NECTIN3: variants seen among roughly 807,000 people sequenced by gnomAD.
The protein encoded by NECTIN3 is nectin-3.
A neutral mutation model predicts 49.4 loss-of-function variants in NECTIN3; 8 were observed. That is an observed-to-expected ratio of 0.16 (90% CI 0.10 to 0.29). The LOEUF is 0.29. NECTIN3 is among the 10% of genes least tolerant of loss of function. The probability of loss-of-function intolerance (pLI) is 1.00; values close to 1 mark genes in which losing one functional copy is unlikely to be tolerated. For missense variants in NECTIN3, 581 were observed against 654.6 expected (o/e 0.89, Z 1.23); for synonymous variants, 277 against 241.1 (o/e 1.15, Z -1.38).
At chr3:111,103,650 G>A (rs1202491299) in intron 1 of NECTIN3, among the ~76,000 whole-genome samples, 1 of 151,846 alleles carries the variant, frequency 6.6e-6, no homozygotes, top group African/African-American at 2.4e-5. Context: ...GCCTTTTCTG[G>A]TCTTATTACT....
At chr3:111,154,140 T>C (rs1013896454) in intron 7 of NECTIN3, among the ~76,000 whole-genome samples, 1 of 152,154 alleles carries the variant, frequency 6.6e-6, no homozygotes, top group African/African-American at 2.4e-5. Flanking sequence ...AAAGTCCTAG[T>C]GTCCCTTTGT....
chr3:111,129,990 C>A (rs2034324268), intron 5 of NECTIN3, among the ~76,000 whole-genome samples: 1 of 144,576 alleles, frequency 6.9e-6, no homozygotes, highest in Non-Finnish European at 1.5e-5. Flanking sequence ...GAGTCTTGCT[C>A]TGTCGCCCAG....
chr3:111,140,017 T>A (rs2034702133), downstream of NECTIN3, among the ~76,000 whole-genome samples: 2 of 151,908 alleles, frequency 1.3e-5, no homozygotes, highest in South Asian at 4.1e-4. Context: ...TTTTTTATTT[T>A]CAATTTTATA....
chr3:111,179,884 C>A (rs1041866107), intron 7 of NECTIN3, among the ~76,000 whole-genome samples: 1 of 119,058 alleles, frequency 8.4e-6, no homozygotes, highest in African/African-American at 5.3e-5. Flanking sequence ...GAGCAAGACT[C>A]TGTCTCAAAA....
chr3:111,082,575 G>C (rs1053107958), intron 1 of NECTIN3, among the ~76,000 whole-genome samples: 1 of 152,128 alleles, frequency 6.6e-6, no homozygotes, highest in Non-Finnish European at 1.5e-5. Context: ...GTGACTCTTA[G>C]TAATTTTAGT....
chr3:111,183,795 T>G (rs1403348825), intron 7 of NECTIN3, among the ~76,000 whole-genome samples: 1 of 152,168 alleles, frequency 6.6e-6, no homozygotes, highest in Non-Finnish European at 1.5e-5. Context: ...TGATTTTCTC[T>G]TTATTGTTAG....
intron 1 of NECTIN3, among the ~76,000 whole-genome samples, chr3:111,100,219 CCT>C (rs1421279626): frequency 6.6e-6 from 1 of 151,956 alleles, no homozygotes; most frequent in Non-Finnish European, 1.5e-5. Flanking sequence ...CAAATTTTTA[CCT>C]GGACCGTTAT....
intron 7 of NECTIN3, among the ~76,000 whole-genome samples, chr3:111,173,062 G>T (rs2035463249): frequency 6.6e-6 from 1 of 152,152 alleles, no homozygotes; most frequent in South Asian, 2.1e-4. Flanking sequence ...GTAAACAACT[G>T]TGCCTTTTTC....
chr3:111,104,695 T>A (rs564833164), intron 1 of NECTIN3, among the ~76,000 whole-genome samples: 2 of 152,278 alleles, frequency 1.3e-5, no homozygotes, highest in African/African-American at 4.8e-5. Context: ...TTGGTTCTTA[T>A]CAGATATAAA....
chr3:111,129,037 G>A (rs1422812326), intron 5 of NECTIN3, among the ~76,000 whole-genome samples: 1 of 152,038 alleles, frequency 6.6e-6, no homozygotes, highest in Admixed American at 6.5e-5. Context: ...TATATGTTTT[G>A]CTCATTGGCT....
Position 111,108,098 on chromosome 3 carries a change from TAGAA to T in NECTIN3, c.161-3929_161-3926del, listed in dbSNP as rs1328446356. Among the ~76,000 whole-genome samples, 4 of 152,140 alleles carry T rather than the reference TAGAA, an allele frequency of 2.6e-5. 1 individual carries two copies. In the South Asian group the frequency reaches 6.2e-4, roughly 24 times the overall value. ...AGTAAAACTCAGAATACAGAAAAATTAGAAAGTAAAAATCACTTATTAGTTCCTA... is the reference window on the plus strand; with the variant it reads ...AGTAAAACTCAGAATACAGAAAAATTAGTAAAAATCACTTATTAGTTCCTA... On this transcript the variant is annotated intron_variant, in intron 1 of 5. Transcript: ENST00000485303.
chr3:111,176,364 T>C (rs1005889893), intron 7 of NECTIN3, among the ~76,000 whole-genome samples: 43 of 152,226 alleles, frequency 2.8e-4, no homozygotes, highest in African/African-American at 9.6e-4. Context: ...CTGTGAACTT[T>C]CATTCTAATC....
intron 7 of NECTIN3, among the ~76,000 whole-genome samples, chr3:111,179,570 G>A (rs1204296670): frequency 6.6e-6 from 1 of 152,080 alleles, no homozygotes; most frequent in African/African-American, 2.4e-5. Context: ...GGAACTATAA[G>A]CAAATAAATC....
At chr3:111,133,262 T>TTTGTTATAG (rs1335905238) in intron 5 of NECTIN3, among the ~76,000 whole-genome samples, 2 of 152,064 alleles carry the variant, frequency 1.3e-5, no homozygotes, top group African/African-American at 4.8e-5. Context: ...GATTTACTTT[T>TTTGTTATAG]TTGTTATAGT....
chr3:111,105,942 C>T (rs1002777805), intron 1 of NECTIN3, among the ~76,000 whole-genome samples: 2 of 150,910 alleles, frequency 1.3e-5, no homozygotes, highest in Non-Finnish European at 1.5e-5. Context: ...CTCACCACTC[C>T]ACCAAAACAG....
intron 1 of NECTIN3, among the ~76,000 whole-genome samples, chr3:111,105,572 A>G (rs2107435313): frequency 6.6e-6 from 1 of 152,216 alleles, no homozygotes; most frequent in South Asian, 2.1e-4. Context: ...GCTACTAAAC[A>G]CCCTTTTCAT....
chr3:111,095,240 A>G (rs2032517967), intron 1 of NECTIN3, among the ~76,000 whole-genome samples: 2 of 152,154 alleles, frequency 1.3e-5, no homozygotes, highest in Non-Finnish European at 2.9e-5. Flanking sequence ...TGAGGGAAAA[A>G]TCTTCATCTT....
At chr3:111,114,582 G>C (rs1275962688) in intron 2 of NECTIN3, among the ~76,000 whole-genome samples, 2 of 152,150 alleles carry the variant, frequency 1.3e-5, no homozygotes, top group Non-Finnish European at 2.9e-5. Context: ...TATAGGAATG[G>C]ATTAGTGAAC....
Position 111,122,124 on chromosome 3 carries a change from C to A in NECTIN3, c.803C>A (p.Ala268Asp). 2 of 1,597,148 alleles carry A rather than the reference C, an allele frequency of 1.3e-6. No individual in the cohort carries two copies. Among genetic ancestry groups the A allele is most frequent in the Non-Finnish European group, 8.6e-7 (1 of 1,164,980 alleles). ...RYSFILDIQY[A>D]PEVSVTGYDG... ...CTGTCATGCATTTATTTTATAGATG[C>A]TCCTGAAGTTTCGGTAACAGGATAT... Residue 268 changes from alanine to aspartate, a missense_variant, in exon 4 of 6, where the codon GCT (alanine) becomes GAT (aspartate). This residue lies in a region of NECTIN3 where 234 missense variants were observed against 340.6 expected (regional missense o/e 0.69). Transcript: ENST00000485303.
Sources: allele counts gnomAD v4.1 joint callset (sites outside exome capture counted in the v4.1 genomes callset), GRCh38; gene constraint gnomAD v4.1.1; regional missense constraint gnomAD v4.1.1; transcripts MANE v1.5; gene names NCBI Gene and HGNC (gene_info 2026-07-23, HGNC 2026-07-21).